ADAMTSL3: variants seen among roughly 807,000 people sequenced by gnomAD.
ADAMTSL3 encodes the protein ADAMTS-like protein 3.
In ADAMTSL3, 128 loss-of-function variants were observed where a neutral mutation model predicts 201.7. The observed-to-expected ratio is 0.63, with a 90% CI of 0.55 to 0.73. The LOEUF (loss-of-function observed/expected upper bound fraction) is 0.73, where lower values mean the gene tolerates loss of function less well. Ranked by LOEUF, ADAMTSL3 falls within the 30% of genes least tolerant of loss-of-function variation. The pLI, the probability that ADAMTSL3 is intolerant of heterozygous loss-of-function variation, is 0.00. For synonymous variants in ADAMTSL3, 738 were observed against 748.4 expected (o/e 0.99, Z 0.23); for missense variants, 1,990 against 2,119.6 (o/e 0.94, Z 1.20).
intron 5 of ADAMTSL3, among the ~76,000 whole-genome samples, chr15:83,819,299 A>C (rs1412791835): frequency 6.6e-6 from 1 of 151,770 alleles, no homozygotes; most frequent in East Asian, 1.9e-4. Flanking sequence ...CAAAGAAACA[A>C]CCACAAGTGC....
At chr15:83,817,142 A>T (rs2063782997) in intron 5 of ADAMTSL3, among the ~76,000 whole-genome samples, 1 of 152,264 alleles carries the variant, frequency 6.6e-6, no homozygotes, top group Non-Finnish European at 1.5e-5. Flanking sequence ...CTAATCTCAG[A>T]AGAATGTTTG....
intron 2 of ADAMTSL3, among the ~76,000 whole-genome samples, chr15:83,669,646 T>C (rs2061301097): frequency 1.3e-5 from 2 of 151,240 alleles, no homozygotes; most frequent in South Asian, 4.2e-4. Context: ...TTTTTTGTAT[T>C]TTTAGTAGAG....
intron 23 of ADAMTSL3, among the ~76,000 whole-genome samples, chr15:84,007,773 A>G (rs1239585034): frequency 6.6e-6 from 1 of 152,168 alleles, no homozygotes; most frequent in Non-Finnish European, 1.5e-5. Context: ...TACTATGGCT[A>G]TTGTGTTGAA....
intron 4 of ADAMTSL3, among the ~76,000 whole-genome samples, chr15:83,792,231 A>G (rs182235591): frequency 4.5e-4 from 69 of 152,362 alleles, no homozygotes; most frequent in African/African-American, 1.6e-3. Flanking sequence ...AAAGATATAC[A>G]TAGGATGAAC....
chr15:84,014,805 T>C (rs1038663879), intron 24 of ADAMTSL3, 81 bp downstream of exon 24: 5 of 1,371,182 alleles, frequency 3.6e-6, no homozygotes, highest in Middle Eastern at 2.5e-4. Context: ...GATTTTGGAG[T>C]TGAGTGAACG....
At chr15:83,778,642 A>G (rs921080299) in intron 4 of ADAMTSL3, among the ~76,000 whole-genome samples, 12 of 152,222 alleles carry the variant, frequency 7.9e-5, no homozygotes, top group Admixed American at 1.3e-4. Flanking sequence ...AGGAAAGACC[A>G]TTACCAGCCA....
chr15:83,798,842 A>G (rs939897552), intron 4 of ADAMTSL3, among the ~76,000 whole-genome samples: 43 of 151,658 alleles, frequency 2.8e-4, no homozygotes, highest in African/African-American at 1.0e-3. Flanking sequence ...AAAGGACAAT[A>G]ACACCACTTT....
Position 83,668,381 on chromosome 15 carries a change from A to G in ADAMTSL3, c.69+12551A>G, listed in dbSNP as rs576599065. Among the ~76,000 whole-genome samples the G allele has an allele frequency of 2.0e-5, 3 of 151,512 alleles. No individual in the cohort carries two copies. In the East Asian group the frequency reaches 5.8e-4, roughly 30 times the overall value. ...TGAAGAGAAGTCTGTGGTCAATCTG[A>G]TATTTTCTCTTTTTTTTTTCTCACT... On this transcript the variant is annotated intron_variant, in intron 2 of 29. Transcript: ENST00000286744.
intron 4 of ADAMTSL3, among the ~76,000 whole-genome samples, chr15:83,785,153 A>T (rs2063241037): frequency 6.6e-6 from 1 of 152,198 alleles, no homozygotes; most frequent in Non-Finnish European, 1.5e-5. Flanking sequence ...TCTTGTTAAA[A>T]TACAAACTTT....
chr15:83,671,338 A>G (rs146025045), intron 2 of ADAMTSL3, among the ~76,000 whole-genome samples: 71 of 152,318 alleles, frequency 4.7e-4, no homozygotes, highest in Non-Finnish European at 9.3e-4. Context: ...TACTTTTTAT[A>G]CAATTGTTGG....
rs147296776 is a variant in ADAMTSL3 at position 83,906,775 on chromosome 15, A to G, written c.1701-6317A>G. 2.2e-4 allele frequency among the ~76,000 whole-genome samples: 34 copies of G among 151,878 alleles called. No homozygotes were observed. The Middle Eastern group carries it at 0.014, about 61-fold the overall frequency. On this transcript the variant is annotated intron_variant, in intron 15 of 29. Coordinates refer to ENST00000286744, the MANE Select transcript of ADAMTSL3 (RefSeq NM_207517.3). Reference sequence around the variant, plus strand: ...TAGCTATGTCATTTTCAAATATGATAATTTTGTCTATTATGTTTATTCTTT... The same window carrying G: ...TAGCTATGTCATTTTCAAATATGATGATTTTGTCTATTATGTTTATTCTTT...
intron 4 of ADAMTSL3, among the ~76,000 whole-genome samples, chr15:83,782,514 G>A (rs2063188286): frequency 6.6e-6 from 1 of 151,968 alleles, no homozygotes; most frequent in Admixed American, 6.6e-5. Flanking sequence ...AAGAAAATGT[G>A]GTACATATGC....
At chr15:83,867,253 T>G (rs1254527086) in intron 8 of ADAMTSL3, among the ~76,000 whole-genome samples, 1 of 152,176 alleles carries the variant, frequency 6.6e-6, no homozygotes, top group Non-Finnish European at 1.5e-5. Flanking sequence ...TGCTGTGAAG[T>G]GAATTTTAAT....
intron 5 of ADAMTSL3, among the ~76,000 whole-genome samples, chr15:83,815,428 T>TA (rs1436124263): frequency 1.3e-5 from 2 of 152,214 alleles, no homozygotes; most frequent in Non-Finnish European, 2.9e-5. Context: ...GTGTTCTCCC[T>TA]AGCACGTGAC....
intron 8 of ADAMTSL3, among the ~76,000 whole-genome samples, chr15:83,864,349 A>G (rs1057193713): frequency 1.3e-5 from 2 of 152,238 alleles, no homozygotes; most frequent in African/African-American, 4.8e-5. Context: ...ATGAACATCA[A>G]TGCAAAAATC....
chr15:83,828,863 G>A lies in ADAMTSL3; in HGVS notation c.600+8816G>A, dbSNP rs532051862. Among the ~76,000 whole-genome samples, 134 of 152,266 alleles carry A rather than the reference G, an allele frequency of 8.8e-4. 1 individual carries two copies. The highest frequency in any genetic ancestry group is 3.2e-3 in the African/African-American group (131 of 41,556). ...TCATATGTTGAACCAGCCTTGCATA[G>A]CAGGGATGAAGCCCACTTGATCATG... On this transcript the variant is annotated intron_variant, in intron 6 of 29. Transcript: ENST00000286744.
intron 20 of ADAMTSL3, among the ~76,000 whole-genome samples, chr15:83,978,455 T>C (rs906427): frequency 0.84 from 128,263 of 152,238 alleles, 54,419 homozygotes; most frequent in African/African-American, 0.95. Flanking sequence ...GTGCTGCAGT[T>C]GGTACCTGGC....
intron 3 of ADAMTSL3, among the ~76,000 whole-genome samples, chr15:83,768,100 T>A (rs2062921534): frequency 6.6e-6 from 1 of 152,162 alleles, no homozygotes; most frequent in Non-Finnish European, 1.5e-5. Context: ...TAAGTACAAA[T>A]GGGAGAGAGC....
At chr15:83,875,129 G>A (rs1045442510) in intron 9 of ADAMTSL3, among the ~76,000 whole-genome samples, 2 of 152,220 alleles carry the variant, frequency 1.3e-5, no homozygotes, top group Non-Finnish European at 2.9e-5. Context: ...AAGAGGGAGA[G>A]AAAGCAGGGT....
Sources: gnomAD v4.1 joint callset for allele counts (sites outside exome capture counted in the v4.1 genomes callset) on GRCh38, gnomAD v4.1.1 for gene constraint, MANE v1.5 for transcripts, NCBI Gene and HGNC (gene_info 2026-07-23, HGNC 2026-07-21) for gene names.